Variants in FRAS1 observed in about 807,000 individuals in gnomAD.
FRAS1 encodes the protein extracellular matrix organizing protein FRAS1.
Under a neutral mutation model 435.2 loss-of-function variants are expected in FRAS1, and 290 were observed. The ratio of observed to expected loss-of-function variants is 0.67; its 90% CI spans 0.61 to 0.73. FRAS1 has a LOEUF of 0.73. Ranked by LOEUF, FRAS1 falls within the 30% of genes least tolerant of loss-of-function variation. FRAS1 has a pLI of 0.00. For synonymous variants in FRAS1, 1,800 were observed against 1,851.0 expected, an observed-to-expected ratio of 0.97 and a Z score of 0.71; for missense variants, 4,860 against 5,001.5, an observed-to-expected ratio of 0.97 and a Z score of 0.85.
chr4:78,109,669 AT>A lies in FRAS1; in HGVS notation c.108+43655del, dbSNP rs1314876563. Among the ~76,000 whole-genome samples, 76 of 71,608 alleles carry A rather than the reference AT, an allele frequency of 1.1e-3. 3 individuals carry two copies. Among genetic ancestry groups the A allele is most frequent in the African/African-American group, 4.5e-3 (74 of 16,520 alleles). The allele number at this position is 71,608 out of a possible 152,430, so 47.0% of individuals were successfully genotyped here. A position where few individuals can be genotyped will look rare whatever the true frequency, so the allele number is the denominator to read the frequency against. ...TACTGAATGGGCAAAAACTGGAAGC[AT>A]TCCCTTTGAAAACTGGCACAAGACA... On this transcript the variant is annotated intron_variant, in intron 2 of 73. Transcript: ENST00000512123.
intron 10 of FRAS1, among the ~76,000 whole-genome samples, chr4:78,280,062 C>G (rs147900719): frequency 1.3e-5 from 2 of 152,314 alleles, no homozygotes; most frequent in East Asian, 3.9e-4. Context: ...TTTACTTCTT[C>G]ACAGTTTCAT....
chr4:78,505,485 A>C (rs1481992312), intron 61 of FRAS1, among the ~76,000 whole-genome samples: 1 of 152,060 alleles, frequency 6.6e-6, no homozygotes, highest in Non-Finnish European at 1.5e-5. Flanking sequence ...TTTGATCTTC[A>C]ATCACTGATA....
chr4:78,096,958 A>T (rs1741845145), intron 2 of FRAS1, among the ~76,000 whole-genome samples: 1 of 152,200 alleles, frequency 6.6e-6, no homozygotes. Flanking sequence ...TCGCATTGTC[A>T]GGCTGAAAAT....
At position 78,432,215 on chromosome 4, in the gene FRAS1, G is replaced by C. The variant is rs548698390; in HGVS notation, c.4970-142G>C. On this transcript the variant is annotated intron_variant, in intron 37 of 73. Coordinates refer to ENST00000512123, the MANE Select transcript of FRAS1 (RefSeq NM_025074.7). ...ACGGTGGTGTAAAGGGAATCCTATA[G>C]TAGGTGAGTGGTTGGATTAGCCTGT... 19 of 656,108 alleles carry C rather than the reference G, an allele frequency of 2.9e-5. No individual in the cohort carries two copies. The South Asian group carries it at 6.3e-4, about 22-fold the overall frequency. The allele number at this position is 656,108 out of a possible 1,614,324, so 40.6% of individuals were successfully genotyped here.
chr4:78,091,623 TTG>T (rs10631175), intron 2 of FRAS1, among the ~76,000 whole-genome samples: 21 of 148,186 alleles, frequency 1.4e-4, no homozygotes, highest in South Asian at 8.7e-4. Context: ...ACACGTGTGT[TTG>T]TGTGTGTGTG....
At chr4:78,125,097 A>G (rs1474271659) in intron 2 of FRAS1, among the ~76,000 whole-genome samples, 1 of 151,934 alleles carries the variant, frequency 6.6e-6, no homozygotes, top group African/African-American at 2.4e-5. Context: ...TCAGTTTTAG[A>G]TCTCTCCTGC....
At chr4:78,211,556 G>T (rs760743636) in intron 2 of FRAS1, among the ~76,000 whole-genome samples, 1 of 152,154 alleles carries the variant, frequency 6.6e-6, no homozygotes, top group South Asian at 2.1e-4. Flanking sequence ...CCCTCTAGCT[G>T]CCTTCCAAGG....
intron 15 of FRAS1, among the ~76,000 whole-genome samples, chr4:78,313,252 G>A (rs1262029117): frequency 6.6e-6 from 1 of 152,142 alleles, no homozygotes; most frequent in Non-Finnish European, 1.5e-5. Context: ...GAGTTCAGGG[G>A]TGATTTTCTT....
intron 9 of FRAS1, among the ~76,000 whole-genome samples, chr4:78,277,898 G>A (rs1227862614): frequency 2.0e-5 from 3 of 151,268 alleles, no homozygotes; most frequent in South Asian, 2.1e-4. Context: ...TGCAAGCTCC[G>A]CCTCCCTGGT....
intron 14 of FRAS1, among the ~76,000 whole-genome samples, chr4:78,287,998 A>G (rs925868058): frequency 5.3e-5 from 8 of 152,234 alleles, no homozygotes; most frequent in Non-Finnish European, 1.2e-4. Context: ...AGGGCTGCAC[A>G]AAGTTCTGAG....
At chr4:78,323,406 T>TA (rs1329861288) in intron 18 of FRAS1, among the ~76,000 whole-genome samples, 2 of 152,140 alleles carry the variant, frequency 1.3e-5, no homozygotes, top group South Asian at 2.1e-4. Context: ...AGTGACTTCA[T>TA]AAAAAAGCAA....
intron 18 of FRAS1, among the ~76,000 whole-genome samples, chr4:78,332,456 A>G (rs1729984127): frequency 6.6e-6 from 1 of 152,200 alleles, no homozygotes; most frequent in Admixed American, 6.5e-5. Flanking sequence ...CTTTGCCTTT[A>G]GTCTCTTTTC....
chr4:78,490,476 A>G (rs911471818), intron 59 of FRAS1, among the ~76,000 whole-genome samples: 1 of 152,226 alleles, frequency 6.6e-6, no homozygotes, highest in Non-Finnish European at 1.5e-5. Flanking sequence ...ACAGTGCAAC[A>G]AATTAGAGCT....
At position 78,541,430 on chromosome 4, in the gene FRAS1, G is replaced by T; in HGVS notation, c.*306G>T. 1 of 203,562 alleles carries T rather than the reference G, an allele frequency of 4.9e-6. No individual in the cohort carries two copies. Among genetic ancestry groups the T allele is most frequent in the East Asian group, 1.1e-4 (1 of 9,262 alleles). The allele number at this position is 203,562 out of a possible 1,614,324, so 12.6% of individuals were successfully genotyped here. On this transcript the variant is annotated 3_prime_UTR_variant, in exon 74 of 74. Coordinates refer to ENST00000512123, the MANE Select transcript of FRAS1 (RefSeq NM_025074.7). ...TATCAGGACAGGAGTTGAACAATTAGGTTAGCAGATGGAGATGAGAGGACT... is the reference window on the plus strand; with the variant it reads ...TATCAGGACAGGAGTTGAACAATTATGTTAGCAGATGGAGATGAGAGGACT...
intron 2 of FRAS1, among the ~76,000 whole-genome samples, chr4:78,233,696 A>G (rs917119130): frequency 2.0e-5 from 3 of 152,198 alleles, no homozygotes; most frequent in African/African-American, 7.2e-5. Context: ...TTTCTATTTT[A>G]CAGATGAAGA....
At chr4:78,164,834 C>T (rs182977228) in intron 2 of FRAS1, among the ~76,000 whole-genome samples, 2 of 152,220 alleles carry the variant, frequency 1.3e-5, no homozygotes, top group Non-Finnish European at 2.9e-5. Context: ...GTCTAAAGTT[C>T]TTTCTCAAAA....
At chr4:78,421,793 C>G (rs1205433671) in intron 33 of FRAS1, 70 bp from the exon 34 acceptor site, 5 of 1,550,974 alleles carry the variant, frequency 3.2e-6, no homozygotes, top group Non-Finnish European at 4.4e-6. Context: ...AGAGCAGGCT[C>G]TATGGCTCTA....
intron 2 of FRAS1, among the ~76,000 whole-genome samples, chr4:78,228,945 C>T (rs1018212093): frequency 5.3e-5 from 8 of 152,130 alleles, no homozygotes; most frequent in African/African-American, 1.2e-4. Flanking sequence ...GAGATTTGTG[C>T]GGAGTCCTAA....
At chr4:78,124,310 C>T (rs1719210227) in intron 2 of FRAS1, among the ~76,000 whole-genome samples, 1 of 152,106 alleles carries the variant, frequency 6.6e-6, no homozygotes, top group Non-Finnish European at 1.5e-5. Flanking sequence ...GCCTTGCATC[C>T]CAGGGATGAA....
Sources: allele counts gnomAD v4.1 joint callset (sites outside exome capture counted in the v4.1 genomes callset), GRCh38; gene constraint gnomAD v4.1.1; transcripts MANE v1.5; gene names NCBI Gene and HGNC (gene_info 2026-07-23, HGNC 2026-07-21).